ARGFX: variants seen among roughly 807,000 people sequenced by gnomAD.
ARGFX encodes arginine-fifty homeobox.
A neutral mutation model predicts 8.0 loss-of-function variants in ARGFX; 10 were observed. The ratio of observed to expected loss-of-function variants is 1.25; its 90% CI spans 0.77 to 2.12. The LOEUF is 2.12. Ranked by LOEUF, ARGFX falls within the 30% of genes most tolerant of loss-of-function variation. The pLI is 0.00. For missense variants in ARGFX, 282 were observed against 324.3 expected (o/e 0.87, Z 1.00); for synonymous variants, 116 against 117.8 (o/e 0.98, Z 0.10).
At chr3:121,578,440 A>G (rs1005356669) in intron 3 of ARGFX, among the ~76,000 whole-genome samples, 9 of 151,792 alleles carry the variant, frequency 5.9e-5, no homozygotes, top group African/African-American at 2.2e-4. Flanking sequence ...TTCCCCTTTT[A>G]TGCTTGATGA....
chr3:121,569,362 C>CTTTTTTT (rs1193645372), intron 1 of ARGFX, among the ~76,000 whole-genome samples: 1 of 125,556 alleles, frequency 8.0e-6, no homozygotes, highest in Non-Finnish European at 1.7e-5. Context: ...AATGTGAAAA[C>CTTTTTTT]TTTTTTTTTT....
intron 3 of ARGFX, 91 bp from the exon 4 acceptor site, chr3:121,584,826 G>A: frequency 2.1e-6 from 3 of 1,428,098 alleles, no homozygotes; most frequent in Admixed American, 2.0e-5. Context: ...GATTCACCAT[G>A]GTGATTTGTT....
intron 2 of ARGFX, among the ~76,000 whole-genome samples, chr3:121,571,468 G>C (rs2048707676): frequency 6.6e-6 from 1 of 151,880 alleles, no homozygotes; most frequent in Non-Finnish European, 1.5e-5. Context: ...GGATGTGAAA[G>C]ACTTGTCCAT....
chr3:121,584,419 GT>G (rs1335253307), intron 3 of ARGFX, among the ~76,000 whole-genome samples: 1 of 152,044 alleles, frequency 6.6e-6, no homozygotes, highest in Non-Finnish European at 1.5e-5. Flanking sequence ...TTTATTCCTA[GT>G]TTTTTCTATT....
At chr3:121,576,540 T>C (rs985205873) in intron 2 of ARGFX, among the ~76,000 whole-genome samples, 3 of 152,086 alleles carry the variant, frequency 2.0e-5, no homozygotes, top group African/African-American at 7.2e-5. Flanking sequence ...GATTTCACCA[T>C]GTTGGTCAGG....
intron 2 of ARGFX, among the ~76,000 whole-genome samples, chr3:121,573,168 A>G (rs144556173): frequency 4.8e-4 from 73 of 152,246 alleles, no homozygotes; most frequent in African/African-American, 1.6e-3. Flanking sequence ...AACTTGTATG[A>G]TCAAAGGACA....
intron 3 of ARGFX, among the ~76,000 whole-genome samples, chr3:121,584,206 GGAAGGAA>G (rs2048797163): frequency 2.1e-5 from 1 of 47,404 alleles, no homozygotes; most frequent in Non-Finnish European, 5.0e-5. Flanking sequence ...CAGAGAGAGA[GGAAGGAA>G]GGAAGGAAGG....
In ARGFX at chr3:121,586,595, C is replaced by T. The variant is rs768453486; in HGVS notation, c.943C>T (p.Leu315Phe). The T allele has an allele frequency of 2.5e-5, 41 of 1,611,278 alleles. No individual in the cohort carries two copies. The South Asian group carries it at 4.2e-4, about 16-fold the overall frequency. Reference sequence around the variant, plus strand: ...CTCCAATATGGTAGACTTGGGATTTCTCTGACCAGAGTACTAATAAATATA... The same window carrying T: ...CTCCAATATGGTAGACTTGGGATTTTTCTGACCAGAGTACTAATAAATATA... ...KTSNMVDLGF[L>F] The change falls in exon 5 of 5, where the codon CTC (leucine) becomes TTC (phenylalanine). Residue 315 changes from leucine to phenylalanine, a missense_variant. Coordinates refer to ENST00000334384, the MANE Select transcript of ARGFX (RefSeq NM_001012659.2).
chr3:121,576,755 C>G (rs1336181951), intron 2 of ARGFX, 29 bp from the exon 3 acceptor site: 4 of 311,586 alleles, frequency 1.3e-5, no homozygotes, highest in Admixed American at 6.9e-5. Context: ...TTTTCTCTTT[C>G]TTTCTTTCCT....
chr3:121,588,860 C>T lies in ARGFX; in HGVS notation c.*2260C>T, dbSNP rs2048830248. Among the ~76,000 whole-genome samples, 1 of 151,658 alleles carries T rather than the reference C, an allele frequency of 6.6e-6. No homozygotes were observed. The highest frequency in any genetic ancestry group is 1.5e-5 in the Non-Finnish European group (1 of 68,012). ...GAGAATCACAAGGATTGAAACTATG[C>T]AGTGTGTTCTCCAAACATGATGGAA... On this transcript the variant is annotated 3_prime_UTR_variant, in exon 5 of 5. Transcript: ENST00000334384.
rs2048823355 is a variant in ARGFX, at chr3:121,588,112, G to A, written c.*1512G>A. Among the ~76,000 whole-genome samples, 1 of 151,852 alleles carries A rather than the reference G, an allele frequency of 6.6e-6. No homozygotes were observed. Among genetic ancestry groups the A allele is most frequent in the Admixed American group, 6.6e-5 (1 of 15,232 alleles). On this transcript the variant is annotated 3_prime_UTR_variant, in exon 5 of 5. Transcript: ENST00000334384. ...GTCAAACTTTTAGAATGACAAGTTA[G>A]CATATTTTCCAGCCACATGATCAAC...
chr3:121,572,466 G>A (rs949974541), intron 2 of ARGFX, among the ~76,000 whole-genome samples: 2 of 151,294 alleles, frequency 1.3e-5, no homozygotes, highest in East Asian at 1.9e-4. Flanking sequence ...AGATGGGCTC[G>A]AACTCCTGAC....
At chr3:121,572,198 C>T (rs976247972) in intron 2 of ARGFX, among the ~76,000 whole-genome samples, 1 of 150,304 alleles carries the variant, frequency 6.7e-6, no homozygotes, top group African/African-American at 2.4e-5. Flanking sequence ...CATGAGCCAC[C>T]TCGCCTGGCC....
chr3:121,588,677 G>A lies in ARGFX; in HGVS notation c.*2077G>A, dbSNP rs1010202001. On this transcript the variant is annotated 3_prime_UTR_variant, in exon 5 of 5. Coordinates refer to ENST00000334384, the MANE Select transcript of ARGFX (RefSeq NM_001012659.2). ...CTCACACCTGTAATCCCAGCACGTT[G>A]GGAGGCCAAGGCGGGCAGATCACGA... Among the ~76,000 whole-genome samples, 15 of 151,924 alleles carry A rather than the reference G, an allele frequency of 9.9e-5. No homozygotes were observed. In the South Asian group the frequency reaches 1.5e-3, roughly 15 times the overall value.
chr3:121,580,269 A>C (rs1410150685), intron 3 of ARGFX, among the ~76,000 whole-genome samples: 1 of 151,520 alleles, frequency 6.6e-6, no homozygotes, highest in East Asian at 1.9e-4. Context: ...CAGCCTACCG[A>C]GTAGCTGGGA....
chr3:121,570,751 A>T lies in ARGFX; in HGVS notation c.38A>T (p.Asp13Val). 1 of 1,610,498 alleles carries T rather than the reference A, an allele frequency of 6.2e-7. No homozygotes were observed. The highest frequency in any genetic ancestry group is 1.3e-5 in the African/African-American group (1 of 74,836). The change falls in exon 2 of 5, where the codon GAC becomes GTC. Residue 13 changes from aspartate to valine, a missense_variant. Coordinates refer to ENST00000334384, the MANE Select transcript of ARGFX (RefSeq NM_001012659.2). ...NRMAPENPQP[D>V]PFINRNYSNM... is the part of the protein sequence containing the mutation. ...ATGGCCCCAGAGAATCCCCAGCCAG[A>T]CCCTTTCATCAATAGGAATTATTCC...
intron 2 of ARGFX, among the ~76,000 whole-genome samples, chr3:121,572,492 C>A (rs1048715892): frequency 1.3e-5 from 2 of 149,274 alleles, no homozygotes; most frequent in African/African-American, 2.5e-5. Flanking sequence ...GTGATCCACG[C>A]GCCTCGGCCT....
At position 121,580,362 on chromosome 3, in the gene ARGFX, C is replaced by T. The variant is rs139197401; in HGVS notation, c.220+3462C>T. Among the ~76,000 whole-genome samples, 483 of 151,490 alleles carry T rather than the reference C, an allele frequency of 3.2e-3. 5 individuals carry two copies. Among genetic ancestry groups the T allele is most frequent in the African/African-American group, 0.011 (463 of 41,270 alleles). On this transcript the variant is annotated intron_variant, in intron 3 of 4. Transcript: ENST00000334384. ...TTCACCATGTTGGTCAGGCTGGTCT[C>T]GAACACCTGACCTCATCTCTAAAAA... is the stretch of plus-strand genomic sequence containing the variant.
In ARGFX at chr3:121,584,904, C is replaced by A; in HGVS notation, c.221-13C>A. ...GTAAATGTAACCACCCCTTCTTTAT[C>A]TCTGCCCTGAAGCAATACGGAGAAG... On this transcript the variant is annotated splice_polypyrimidine_tract_variant and intron_variant, in intron 3 of 4. Coordinates refer to ENST00000334384, the MANE Select transcript of ARGFX (RefSeq NM_001012659.2). 1 of 1,605,928 alleles carries A rather than the reference C, an allele frequency of 6.2e-7. No individual in the cohort carries two copies. Among genetic ancestry groups the A allele is most frequent in the African/African-American group, 1.3e-5 (1 of 74,724 alleles).
Sources: gnomAD v4.1 joint callset for allele counts (sites outside exome capture counted in the v4.1 genomes callset) on GRCh38, gnomAD v4.1.1 for gene constraint, MANE v1.5 for transcripts, NCBI Gene and HGNC (gene_info 2026-07-23, HGNC 2026-07-21) for gene names.